The following ITGAX variants were observed in gnomAD, a reference collection of about 807,000 sequenced individuals.
ITGAX encodes the protein integrin alpha-X.
A neutral mutation model predicts 140.2 loss-of-function variants in ITGAX; 99 were observed. The observed-to-expected ratio is 0.71, with a 90% confidence interval of 0.60 to 0.83. The LOEUF (loss-of-function observed/expected upper bound fraction) is 0.83. Among genes scored for constraint, ITGAX ranks in the 40% least tolerant of loss-of-function variants. The probability of loss-of-function intolerance (pLI) is 0.00; values close to 1 mark genes in which losing one functional copy is unlikely to be tolerated. For missense variants in ITGAX, 1,444 were observed against 1,482.0 expected, an observed-to-expected ratio of 0.97 and a Z score of 0.42; for synonymous variants, 631 against 600.4, an observed-to-expected ratio of 1.05 and a Z score of -0.75.
At chr16:31,380,750 G>A (rs926621505) in intron 28 of ITGAX, 126 bp downstream of exon 28, 43 of 1,310,958 alleles carry the variant, frequency 3.3e-5, no homozygotes, top group African/African-American at 5.8e-5. Context: ...CAGGATAGCT[G>A]TCCCTAAGGG....
rs1457759523 is a variant in ITGAX, at chr16:31,355,879, C to T, written c.38-14C>T. The stretch of plus-strand genomic sequence containing the variant: ...AGACCCTTCTCCAAAGCTCTCTTCC[C>T]ACCTCTTTCCCAGCCTTAGCAACTT... On this transcript the variant is annotated splice_polypyrimidine_tract_variant and intron_variant, in intron 1 of 29. Transcript: ENST00000268296. 1 of 1,600,444 alleles carries T rather than the reference C, an allele frequency of 6.2e-7. No individual in the cohort carries two copies. Among genetic ancestry groups the T allele is most frequent in the Non-Finnish European group, 8.6e-7 (1 of 1,168,500 alleles).
At chr16:31,365,729 G>A (rs1371959753) in intron 14 of ITGAX, among the ~76,000 whole-genome samples, 1 of 152,104 alleles carries the variant, frequency 6.6e-6, no homozygotes, top group East Asian at 1.9e-4. Context: ...TCCAGACTAG[G>A]CTGGCCAACA....
intron 14 of ITGAX, among the ~76,000 whole-genome samples, chr16:31,366,199 C>T (rs988272350): frequency 6.6e-6 from 1 of 152,168 alleles, no homozygotes; most frequent in Non-Finnish European, 1.5e-5. Flanking sequence ...TTTGTGTCTC[C>T]GTGTTACTTT....
Position 31,359,776 on chromosome 16 carries a change from G to A in ITGAX, c.507G>A (p.Thr169=), listed in dbSNP as rs1225626689. The change falls in exon 6 of 30, where the codon ACG becomes ACA. Residue 169 remains threonine (T), a synonymous_variant. Transcript: ENST00000268296. ...SGSISSRNFA[T]MMNFVRAVIS... is the part of the protein sequence containing the mutation. ...GCATCTCCTCCCGCAACTTTGCCAC[G>A]ATGATGAACTTCGTGAGAGCTGTGA... The A allele has an allele frequency of 5.0e-6, 8 of 1,614,164 alleles. No individual in the cohort carries two copies. The highest frequency in any genetic ancestry group is 6.8e-6 in the Non-Finnish European group (8 of 1,180,032).
In ITGAX at chr16:31,382,556, C is replaced by A; in HGVS notation, c.*649C>A. 1.1e-6 allele frequency: 1 copy of A among 902,024 alleles called. No homozygotes were observed. The highest frequency in any genetic ancestry group is 1.8e-6 in the Non-Finnish European group (1 of 567,274). 55.9% of individuals were successfully genotyped at this position (902,024 alleles called of 1,614,324 possible). ...CCCAGAGGGTGGGCTTCAGGGCGCA[C>A]AGCATGAGAGGCTCTGTGCCCCCAT... On this transcript the variant is annotated 3_prime_UTR_variant, in exon 30 of 30. Transcript: ENST00000268296.
intron 20 of ITGAX, among the ~76,000 whole-genome samples, chr16:31,374,279 ACT>A (rs1337182694): frequency 3.4e-5 from 4 of 118,276 alleles, no homozygotes; most frequent in Non-Finnish European, 6.8e-5. Context: ...ACAGAGCAAG[ACT>A]CTGTCTAAAA....
At chr16:31,372,205 A>G (rs1231666233) in intron 17 of ITGAX, among the ~76,000 whole-genome samples, 173 bp from the exon 18 acceptor site, 2 of 151,382 alleles carry the variant, frequency 1.3e-5, no homozygotes, top group Non-Finnish European at 2.9e-5. Context: ...ACAAGGGGAG[A>G]GAACAGAGAG....
chr16:31,377,017 C>T lies in ITGAX; in HGVS notation c.2643C>T (p.Thr881=), dbSNP rs1282914505. ...TTCCTCAGATCACCTTCTTGGCTAC[C>T]TTTGACGTCTCCCCCAAGGCTGTCC... ...RGGAQITFLA[T]FDVSPKAVLG... Residue 881 remains threonine (T), a synonymous_variant, in exon 22 of 30, where the codon ACC becomes ACT. Transcript: ENST00000268296. 1 of 1,614,192 alleles carries T rather than the reference C, an allele frequency of 6.2e-7. No homozygotes were observed. The highest frequency in any genetic ancestry group is 1.7e-5 in the Admixed American group (1 of 60,022).
chr16:31,374,786 ACTC>A, intron 20 of ITGAX, among the ~76,000 whole-genome samples: 1 of 152,114 alleles, frequency 6.6e-6, no homozygotes, highest in East Asian at 1.9e-4. Flanking sequence ...GGGTCATTGT[ACTC>A]CTCCTTATTC....
At chr16:31,379,450 C>A in intron 23 of ITGAX, 118 bp from the exon 24 acceptor site, 2 of 968,938 alleles carry the variant, frequency 2.1e-6, no homozygotes, top group Admixed American at 2.2e-5. Flanking sequence ...TCAGCCACAG[C>A]CCTCATTCCA....
chr16:31,379,451 C>T, intron 23 of ITGAX, 117 bp from the exon 24 acceptor site: 2 of 986,286 alleles, frequency 2.0e-6, no homozygotes, highest in Non-Finnish European at 3.1e-6. Context: ...CAGCCACAGC[C>T]CTCATTCCAG....
At chr16:31,362,344 T>C (rs1422814091) in intron 11 of ITGAX, 140 bp downstream of exon 11, 11 of 273,540 alleles carry the variant, frequency 4.0e-5, no homozygotes, top group Admixed American at 3.0e-4. Context: ...GGCACTGTGC[T>C]GCCCGGGGTG....
At chr16:31,379,887 T>C (rs1391001166) in intron 25 of ITGAX, 23 bp downstream of exon 25, 1 of 1,611,304 alleles carries the variant, frequency 6.2e-7, no homozygotes, top group South Asian at 1.1e-5. Context: ...TGCATGTGGC[T>C]CCTCCACGAA....
chr16:31,355,222 G>A lies in ITGAX; in HGVS notation c.-33G>A, dbSNP rs748095703. 6.2e-7 allele frequency: 1 copy of A among 1,613,384 alleles called. No individual in the cohort carries two copies. The highest frequency in any genetic ancestry group is 1.1e-5 in the South Asian group (1 of 91,052). On this transcript the variant is annotated 5_prime_UTR_variant, in exon 1 of 30. Coordinates refer to ENST00000268296, the MANE Select transcript of ITGAX (RefSeq NM_000887.5). ...GTCCAGCTCTTCCTGCAACGGCCCA[G>A]GAGCTCAGAGCTCCACATCTGACCT...
chr16:31,360,496 C>T (rs376629028), intron 8 of ITGAX, 33 bp downstream of exon 8: 18 of 1,572,814 alleles, frequency 1.1e-5, no homozygotes, highest in African/African-American at 5.4e-5. Context: ...ACTTCTCCCA[C>T]GGCTTCCTCT....
At chr16:31,356,255 G>A (rs774946677) in intron 2 of ITGAX, 231 of 477,744 alleles carry the variant, frequency 4.8e-4, no homozygotes, top group Non-Finnish European at 7.2e-4. Context: ...GGAATCAGTC[G>A]TGCAACAAAC....
At chr16:31,379,697 G>A (rs558653267) in intron 24 of ITGAX, 51 bp downstream of exon 24, 48 of 1,583,476 alleles carry the variant, frequency 3.0e-5, no homozygotes, top group East Asian at 3.0e-4. Flanking sequence ...GCTGGGAGCC[G>A]GAGACTGGGG....
In ITGAX at chr16:31,361,842, A is replaced by G. The variant is rs984455721; in HGVS notation, c.1019A>G (p.Glu340Gly). 6 of 1,613,892 alleles carry G rather than the reference A, an allele frequency of 3.7e-6. No homozygotes were observed. In the Admixed American group the frequency reaches 1.0e-4, roughly 27 times the overall value. ...GCGTCATGCCTTCCCCCAGGTACGGAGACCACAAGCAGTAGCTCCTTCGAA... is the reference window on the plus strand; with the variant it reads ...GCGTCATGCCTTCCCCCAGGTACGGGGACCACAAGCAGTAGCTCCTTCGAA... ...KEKIFAIEGT[E>G]TTSSSSFELE... is the part of the protein sequence containing the mutation. Residue 340 changes from glutamate to glycine, a missense_variant, in exon 10 of 30, where the codon GAG becomes GGG. By Grantham distance (98) the Glu-to-Gly change is moderately conservative (BLOSUM62 -2). Transcript: ENST00000268296.
At chr16:31,372,779 CA>C in intron 19 of ITGAX, 109 bp downstream of exon 19, 1 of 1,126,284 alleles carries the variant, frequency 8.9e-7, no homozygotes, top group Non-Finnish European at 1.3e-6. Flanking sequence ...AGTCAAAACC[CA>C]GGTGTCTTGG....
Sources: allele counts gnomAD v4.1 joint callset (sites outside exome capture counted in the v4.1 genomes callset), GRCh38; gene constraint gnomAD v4.1.1; transcripts MANE v1.5; gene names NCBI Gene and HGNC (gene_info 2026-07-23, HGNC 2026-07-21).